C6: variants seen among roughly 807,000 people sequenced by gnomAD.
The protein encoded by C6 is complement component C6.
C6 carries 101 observed loss-of-function variants against 112.9 expected under a neutral mutation model. The ratio of observed to expected loss-of-function variants is 0.89; its 90% CI spans 0.76 to 1.06. The LOEUF is 1.06. C6 is among the 50% of genes least tolerant of loss of function. The probability of loss-of-function intolerance (pLI) is 0.00; values close to 1 mark genes in which losing one functional copy is unlikely to be tolerated. For synonymous variants in C6, 431 were observed against 384.1 expected (o/e 1.12, Z -1.43); for missense variants, 1,202 against 1,104.6 (o/e 1.09, Z -1.25).
intron 1 of C6, among the ~76,000 whole-genome samples, chr5:41,231,642 T>A (rs141334661): frequency 0.026 from 3,925 of 152,218 alleles, 143 homozygotes; most frequent in Admixed American, 0.098. Flanking sequence ...ATTCTGATCC[T>A]CTGGTAAAAT....
rs151296032 is a variant in C6, at chr5:41,176,663, G to A, written c.980C>T (p.Thr327Met). 734 of 1,613,028 alleles carry A rather than the reference G, an allele frequency of 4.6e-4. 4 individuals are homozygous for A. The East Asian group carries it at 7.1e-3, about 16-fold the overall frequency. Reference sequence around the variant, plus strand: ...AGAAAGGTGCAGATCTTTAGCTTTCGTTGTGAAGTTTAAGACTTTCATCAC... The same window carrying A: ...AGAAAGGTGCAGATCTTTAGCTTTCATTGTGAAGTTTAAGACTTTCATCAC... Reference protein sequence around the residue: ...HKVMKVLNFTTKAKDLHLSDV... With the variant: ...HKVMKVLNFTMKAKDLHLSDV... Residue 327 changes from threonine to methionine, a missense_variant, in exon 8 of 18, where the codon ACG (threonine) becomes ATG (methionine). Thr to Met is a moderately conservative substitution (Grantham distance 81, BLOSUM62 -1). Transcript: ENST00000337836.
chr5:41,229,941 A>G (rs1013107577), intron 1 of C6, among the ~76,000 whole-genome samples: 7 of 152,306 alleles, frequency 4.6e-5, no homozygotes, highest in South Asian at 2.1e-4. Flanking sequence ...TGAAGGTTTC[A>G]TGGACTTTCA....
At chr5:41,205,540 A>G (rs1037057071) in intron 1 of C6, among the ~76,000 whole-genome samples, 10 of 152,206 alleles carry the variant, frequency 6.6e-5, no homozygotes, top group African/African-American at 2.2e-4. Flanking sequence ...CACATTTCCA[A>G]TGGTCTTAGC....
At chr5:41,249,187 AAACT>A (rs1291413904) in intron 1 of C6, among the ~76,000 whole-genome samples, 13 of 152,168 alleles carry the variant, frequency 8.5e-5, no homozygotes, top group Admixed American at 7.9e-4. Flanking sequence ...AAGGGTTGAA[AAACT>A]AACTATTGGT....
intron 15 of C6, among the ~76,000 whole-genome samples, chr5:41,152,493 C>T (rs137922315): frequency 6.4e-4 from 97 of 152,276 alleles, no homozygotes; most frequent in Admixed American, 5.2e-3. Context: ...CAAGGCAGGA[C>T]TGGAGGCTCA....
chr5:41,222,713 T>A (rs1170786141), intron 1 of C6, among the ~76,000 whole-genome samples: 3 of 152,298 alleles, frequency 2.0e-5, no homozygotes, highest in Middle Eastern at 6.8e-3. Flanking sequence ...CTCTTACGAG[T>A]CAGGTAGTAT....
chr5:41,228,421 C>T (rs961099575), intron 1 of C6, among the ~76,000 whole-genome samples: 1 of 151,986 alleles, frequency 6.6e-6, no homozygotes, highest in Non-Finnish European at 1.5e-5. Flanking sequence ...GACAGTTTAC[C>T]TTCCTTTCCC....
chr5:41,180,892 A>G (rs1242593231), intron 7 of C6, among the ~76,000 whole-genome samples: 1 of 151,570 alleles, frequency 6.6e-6, no homozygotes, highest in East Asian at 1.9e-4. Flanking sequence ...ATATAAGAGG[A>G]AAAAAATGGA....
At chr5:41,214,058 G>A (rs1412714740), upstream of C6, among the ~76,000 whole-genome samples, 1 of 152,062 alleles carries the variant, frequency 6.6e-6, no homozygotes, top group African/African-American at 2.4e-5. Context: ...TGAAATGGTT[G>A]CAATTTAACT....
At position 41,239,277 on chromosome 5, in the gene C6, A is replaced by G. The variant is rs193266456; in HGVS notation, c.-21+21917T>C. Among the ~76,000 whole-genome samples, 495 of 151,684 alleles carry G rather than the reference A, an allele frequency of 3.3e-3. 4 individuals are homozygous for G. The highest frequency in any genetic ancestry group is 3.1e-3 in the Non-Finnish European group (210 of 67,862). On this transcript the variant is annotated intron_variant, in intron 1 of 17. Coordinates refer to the C6 transcript ENST00000263413. ...CAGGCCCGTGCCACCACGCCCAGCTAATTTTTGTAGTTTTAGTAGAGATGG... is the reference window on the plus strand; with the variant it reads ...CAGGCCCGTGCCACCACGCCCAGCTGATTTTTGTAGTTTTAGTAGAGATGG...
rs530830710 is a variant in C6 at position 41,210,004 on chromosome 5, G to T, written c.-21+3372C>A. Among the ~76,000 whole-genome samples the T allele has an allele frequency of 3.4e-3, 518 of 152,240 alleles. 1 individual carries two copies. Among genetic ancestry groups the T allele is most frequent in the African/African-American group, 0.012 (508 of 41,530 alleles). On this transcript the variant is annotated intron_variant, in intron 1 of 17. Transcript: ENST00000337836. The stretch of plus-strand genomic sequence containing the variant: ...ACAGTAACCAAAACAGCATGGTACT[G>T]GTACCAAAACAGAGATATAGACCAA...
chr5:41,183,612 C>T (rs545518470), intron 6 of C6, among the ~76,000 whole-genome samples: 1 of 152,292 alleles, frequency 6.6e-6, no homozygotes, highest in African/African-American at 2.4e-5. Context: ...CCATTTGACC[C>T]AGCAATCTCA....
chr5:41,174,792 A>G (rs978474048), intron 8 of C6, among the ~76,000 whole-genome samples: 1 of 152,220 alleles, frequency 6.6e-6, no homozygotes, highest in African/African-American at 2.4e-5. Flanking sequence ...AATTAAATCT[A>G]TACTTTAGTT....
chr5:41,167,302 A>G (rs62361569), intron 9 of C6, among the ~76,000 whole-genome samples: 7,507 of 152,216 alleles, frequency 0.049, 251 homozygotes, highest in Non-Finnish European at 0.07. Flanking sequence ...TGCTTGAACT[A>G]AAATATCAAG....
chr5:41,249,175 A>G (rs183381883), intron 1 of C6, among the ~76,000 whole-genome samples: 1 of 152,292 alleles, frequency 6.6e-6, no homozygotes, highest in Admixed American at 6.5e-5. Context: ...AAGTAACAGG[A>G]CAAGGGTTGA....
At chr5:41,240,554 A>C (rs971027150) in intron 1 of C6, among the ~76,000 whole-genome samples, 1 of 152,030 alleles carries the variant, frequency 6.6e-6, no homozygotes, top group Non-Finnish European at 1.5e-5. Context: ...CATTCCCCAT[A>C]CCCTCAGGTG....
intron 1 of C6, among the ~76,000 whole-genome samples, chr5:41,256,712 C>T (rs188787333): frequency 2.0e-5 from 3 of 152,298 alleles, no homozygotes; most frequent in Admixed American, 1.3e-4. Context: ...CCAACTGCAC[C>T]GTATTCCAAG....
chr5:41,228,482 C>T (rs959050487), intron 1 of C6, among the ~76,000 whole-genome samples: 2 of 152,122 alleles, frequency 1.3e-5, no homozygotes, highest in Non-Finnish European at 2.9e-5. Flanking sequence ...GCTAAGACTT[C>T]CAGTACTACA....
intron 2 of C6, 115 bp downstream of exon 2, chr5:41,202,973 G>C (rs1214262355): frequency 9.8e-7 from 1 of 1,025,384 alleles, no homozygotes; most frequent in African/African-American, 1.6e-5. Flanking sequence ...AAATTTGTAA[G>C]TTCTTACTTT....
Sources: allele counts gnomAD v4.1 joint callset (sites outside exome capture counted in the v4.1 genomes callset), GRCh38; gene constraint gnomAD v4.1.1; transcripts MANE v1.5; gene names NCBI Gene and HGNC (gene_info 2026-07-23, HGNC 2026-07-21).